Variants in KLHL3 observed in about 807,000 individuals in gnomAD.
KLHL3 encodes the protein kelch-like protein 3.
In KLHL3, 19 loss-of-function variants were observed where a neutral mutation model predicts 70.5. That is an observed-to-expected ratio of 0.27 (90% confidence interval 0.19 to 0.40). The LOEUF is 0.40. Among genes scored for constraint, KLHL3 ranks in the 10% least tolerant of loss-of-function variants. The pLI is 1.00. For missense variants in KLHL3, 512 were observed against 771.1 expected, an observed-to-expected ratio of 0.66 and a Z score of 3.98; for synonymous variants, 258 against 290.3, an observed-to-expected ratio of 0.89 and a Z score of 1.13.
intron 6 of KLHL3, among the ~76,000 whole-genome samples, chr5:137,662,630 G>A (rs1395649443): frequency 2.0e-5 from 3 of 152,140 alleles, no homozygotes; most frequent in African/African-American, 7.2e-5. Flanking sequence ...GGAGGGCTTA[G>A]AACCAAAAAG....
chr5:137,631,304 G>A (rs1012045989), intron 12 of KLHL3, among the ~76,000 whole-genome samples: 2 of 152,188 alleles, frequency 1.3e-5, no homozygotes, highest in African/African-American at 4.8e-5. Context: ...CAGGGGAGAA[G>A]GGGCTGTTGC....
chr5:137,716,520 G>T (rs1029287990), intron 2 of KLHL3, among the ~76,000 whole-genome samples: 14 of 152,182 alleles, frequency 9.2e-5, no homozygotes, highest in Non-Finnish European at 1.9e-4. Context: ...AAGGAAACAG[G>T]AATTTATGCT....
rs188080196 is a variant in KLHL3 at position 137,649,909 on chromosome 5, C to T, written c.903+8222G>A. ...TCAAGTCCTCACACTGCCACTTAAGCGCTGTAAAACCCTGGGCAAATCACT... is the reference window on the plus strand; with the variant it reads ...TCAAGTCCTCACACTGCCACTTAAGTGCTGTAAAACCCTGGGCAAATCACT... On this transcript the variant is annotated intron_variant, in intron 8 of 14. Coordinates refer to ENST00000309755, the MANE Select transcript of KLHL3 (RefSeq NM_017415.3). 7.2e-5 allele frequency among the ~76,000 whole-genome samples: 11 copies of T among 152,302 alleles called. No homozygotes were observed. The East Asian group carries it at 1.4e-3, about 19-fold the overall frequency.
chr5:137,718,936 T>A (rs1026520287), intron 2 of KLHL3, among the ~76,000 whole-genome samples: 1 of 152,190 alleles, frequency 6.6e-6, no homozygotes, highest in Non-Finnish European at 1.5e-5. Flanking sequence ...AAAACAAACA[T>A]AGAATCAGGT....
intron 3 of KLHL3, chr5:137,706,414 G>A: frequency 1.0e-6 from 1 of 982,612 alleles, no homozygotes; most frequent in South Asian, 4.7e-5. Context: ...CAAAGCCAAT[G>A]GGCCTTAAAA....
chr5:137,668,750 CA>C (rs1451022688), intron 6 of KLHL3, among the ~76,000 whole-genome samples: 1 of 152,214 alleles, frequency 6.6e-6, no homozygotes, highest in Non-Finnish European at 1.5e-5. Context: ...AATTGGAGCT[CA>C]CTGTGCACGT....
intron 1 of KLHL3, among the ~76,000 whole-genome samples, chr5:137,729,963 T>C (rs1379121800): frequency 6.6e-6 from 1 of 152,158 alleles, no homozygotes; most frequent in Non-Finnish European, 1.5e-5. Context: ...CCTCAGTTCA[T>C]AGAATTAGGC....
chr5:137,662,768 TA>T (rs140171547), intron 6 of KLHL3, among the ~76,000 whole-genome samples: 3,064 of 152,282 alleles, frequency 0.02, 105 homozygotes, highest in African/African-American at 0.069. Context: ...GCAGTGTCTG[TA>T]AAAATTTCAT....
Position 137,634,123 on chromosome 5 carries a change from T to C in KLHL3, c.1364A>G (p.Gln455Arg). ...AVGGYDGASR[Q>R]CLSTVEQYNP... is the part of the protein sequence containing the mutation. ...GTACTGCTCCACAGTGCTCAGACAC[T>C]GGCGGGAAGCTCCATCATAACCCCC... The change falls in exon 12 of 15, where the codon CAG becomes CGG. Residue 455 changes from glutamine to arginine, a missense_variant. Physicochemically the swap from Gln to Arg is conservative, Grantham distance 43. Transcript: ENST00000309755. 6.2e-7 allele frequency: 1 copy of C among 1,613,852 alleles called. No homozygotes were observed. Among genetic ancestry groups the C allele is most frequent in the South Asian group, 1.1e-5 (1 of 91,028 alleles).
Position 137,621,879 on chromosome 5 carries a change from C to G in KLHL3, c.*219G>C. ...GCTGCCTGGGGATGTCAAGACCCCCCTTGCTCAGGGCATAGGCCAGAGCAC... is the reference window on the plus strand; with the variant it reads ...GCTGCCTGGGGATGTCAAGACCCCCGTTGCTCAGGGCATAGGCCAGAGCAC... On this transcript the variant is annotated 3_prime_UTR_variant, in exon 15 of 15. Transcript: ENST00000309755. The G allele has an allele frequency of 1.7e-6, 1 of 595,020 alleles. No individual in the cohort carries two copies. Among genetic ancestry groups the G allele is most frequent in the Non-Finnish European group, 3.0e-6 (1 of 329,978 alleles). The allele number at this position is 595,020 out of a possible 1,614,324, so 36.9% of individuals were successfully genotyped here.
At chr5:137,700,813 A>G (rs969739737) in intron 3 of KLHL3, among the ~76,000 whole-genome samples, 8 of 152,164 alleles carry the variant, frequency 5.3e-5, no homozygotes, top group African/African-American at 1.9e-4. Context: ...GTAGAATCCA[A>G]TCTTATTATC....
intron 12 of KLHL3, among the ~76,000 whole-genome samples, chr5:137,632,620 C>T (rs62375431): frequency 0.18 from 27,973 of 152,056 alleles, 2,763 homozygotes; most frequent in Non-Finnish European, 0.22. Flanking sequence ...GACTAAGATG[C>T]CAAACGGAAA....
Position 137,634,041 on chromosome 5 carries a change from G to A in KLHL3, c.1446C>T (p.Gly482=), listed in dbSNP as rs370002026. The part of the protein sequence containing the change: ...YVADMSTRRS[G]AGVGVLSGQL... ...CACCCCGAGGTTCTCCCATACCTGCGCCACTGCGGCGGGTGCTCATGTCCG... is the reference window on the plus strand; with the variant it reads ...CACCCCGAGGTTCTCCCATACCTGCACCACTGCGGCGGGTGCTCATGTCCG... The change falls in exon 12 of 15, where the codon GGC becomes GGT. Residue 482 remains glycine (G), a synonymous_variant. Coordinates refer to ENST00000309755, the MANE Select transcript of KLHL3 (RefSeq NM_017415.3). 23 of 1,614,056 alleles carry A rather than the reference G, an allele frequency of 1.4e-5. No individual in the cohort carries two copies. Among genetic ancestry groups the A allele is most frequent in the East Asian group, 2.2e-5 (1 of 44,900 alleles).
At chr5:137,637,799 C>T (rs1750808264) in intron 10 of KLHL3, among the ~76,000 whole-genome samples, 1 of 152,214 alleles carries the variant, frequency 6.6e-6, no homozygotes, top group African/African-American at 2.4e-5. Flanking sequence ...TCCCAAGACT[C>T]CCTTGCAGCT....
rs557575327 is a variant in KLHL3, at chr5:137,729,588, A to G, written c.14+6045T>C. On this transcript the variant is annotated intron_variant, in intron 1 of 14. Transcript: ENST00000309755. The stretch of plus-strand genomic sequence containing the variant: ...AGGCCCTCAGGAATATCTTGCCAGT[A>G]ATATTTTACTGCAAATCAATAAACT... Among the ~76,000 whole-genome samples the G allele has an allele frequency of 6.8e-4, 104 of 152,256 alleles. 1 individual carries two copies. The highest frequency in any genetic ancestry group is 2.5e-3 in the African/African-American group (103 of 41,560).
intron 4 of KLHL3, among the ~76,000 whole-genome samples, chr5:137,694,208 C>T (rs1752391972): frequency 6.6e-6 from 1 of 152,180 alleles, no homozygotes; most frequent in Admixed American, 6.5e-5. Context: ...TTACACTTCT[C>T]TCTCACGACA....
chr5:137,649,896 A>G (rs951424597), intron 8 of KLHL3, among the ~76,000 whole-genome samples: 3 of 152,196 alleles, frequency 2.0e-5, no homozygotes, highest in African/African-American at 7.2e-5. Context: ...AAGTCCTCAC[A>G]CTGCCACTTA....
chr5:137,708,888 C>T (rs2149928917), intron 3 of KLHL3, among the ~76,000 whole-genome samples: 1 of 152,266 alleles, frequency 6.6e-6, no homozygotes, highest in Non-Finnish European at 1.5e-5. Context: ...TCAGAGCAGG[C>T]ACAAGCACTT....
intron 3 of KLHL3, among the ~76,000 whole-genome samples, chr5:137,700,099 C>G (rs933856342): frequency 6.6e-6 from 1 of 152,236 alleles, no homozygotes; most frequent in Non-Finnish European, 1.5e-5. Context: ...TGAAAGGCCT[C>G]AGCACAGTGC....
Sources: allele counts gnomAD v4.1 joint callset (sites outside exome capture counted in the v4.1 genomes callset), GRCh38; gene constraint gnomAD v4.1.1; transcripts MANE v1.5; gene names NCBI Gene and HGNC (gene_info 2026-07-23, HGNC 2026-07-21).